PTPRD: variants seen among roughly 807,000 people sequenced by gnomAD.
The protein encoded by PTPRD is protein tyrosine phosphatase receptor type D, also known as receptor-type tyrosine-protein phosphatase delta.
In PTPRD, 34 loss-of-function variants were observed where a neutral mutation model predicts 214.5. The ratio of observed to expected loss-of-function variants is 0.16; its 90% CI spans 0.12 to 0.21. The LOEUF (loss-of-function observed/expected upper bound fraction) is 0.21, where lower values mean the gene tolerates loss of function less well. PTPRD is among the 10% of genes least tolerant of loss of function. The probability of loss-of-function intolerance (pLI) is 1.00; values close to 1 mark genes in which losing one functional copy is unlikely to be tolerated. For missense variants in PTPRD, 2,545 were observed against 2,398.7 expected, an observed-to-expected ratio of 1.06 and a Z score of -1.27; for synonymous variants, 1,128 against 845.7, an observed-to-expected ratio of 1.33 and a Z score of -5.79.
At chr9:8,993,533 GCCA>G (rs2099385653) in intron 11 of PTPRD, among the ~76,000 whole-genome samples, 1 of 152,020 alleles carries the variant, frequency 6.6e-6, no homozygotes, top group Non-Finnish European at 1.5e-5. Context: ...AGCAATATGA[GCCA>G]TATGATCAAA....
intron 2 of PTPRD, among the ~76,000 whole-genome samples, chr9:10,418,355 T>C (rs935226194): frequency 1.3e-4 from 19 of 151,458 alleles, no homozygotes; most frequent in African/African-American, 4.4e-4. Context: ...CCTTTGCCCT[T>C]GGTTAATTAA....
At chr9:8,533,421 G>A (rs748896107) in intron 14 of PTPRD, among the ~76,000 whole-genome samples, 1 of 151,990 alleles carries the variant, frequency 6.6e-6, no homozygotes, top group Non-Finnish European at 1.5e-5. Flanking sequence ...TAAAGAAAAA[G>A]CGTGTCAATT....
chr9:10,002,139 G>T (rs919136701), intron 4 of PTPRD, among the ~76,000 whole-genome samples: 2 of 150,682 alleles, frequency 1.3e-5, no homozygotes, highest in African/African-American at 4.9e-5. Flanking sequence ...GTAATCCCAA[G>T]CACAATAACT....
intron 3 of PTPRD, among the ~76,000 whole-genome samples, chr9:10,079,891 C>T (rs915759231): frequency 1.3e-5 from 2 of 150,738 alleles, no homozygotes; most frequent in Non-Finnish European, 3.0e-5. Context: ...TCAGCAAATA[C>T]ATGAATAAAA....
chr9:10,292,082 C>T (rs371997612), intron 3 of PTPRD, among the ~76,000 whole-genome samples: 3 of 151,960 alleles, frequency 2.0e-5, no homozygotes, highest in African/African-American at 4.8e-5. Context: ...AGTTCTAAGG[C>T]GTTAATCCTA....
Position 8,672,934 on chromosome 9 carries a change from G to A in PTPRD, c.65-36090C>T, listed in dbSNP as rs72700338. On this transcript the variant is annotated intron_variant, in intron 12 of 45. Coordinates refer to ENST00000381196, the MANE Select transcript of PTPRD (RefSeq NM_002839.4). ...GTTTCAATTCTGCCAATTAAAAACA[G>A]TAGACACAGCAAATAAATGTAACTG... 2.7e-3 allele frequency among the ~76,000 whole-genome samples: 407 copies of A among 152,066 alleles called. 1 individual carries two copies. The highest frequency in any genetic ancestry group is 4.0e-3 in the Admixed American group (61 of 15,264).
At chr9:9,183,893 T>G (rs537539951) in intron 9 of PTPRD, among the ~76,000 whole-genome samples, 11 of 152,146 alleles carry the variant, frequency 7.2e-5, no homozygotes, top group African/African-American at 2.6e-4. Flanking sequence ...AGCATTACAT[T>G]TATGTTTAAG....
At chr9:9,573,461 C>A (rs1361611731) in intron 8 of PTPRD, among the ~76,000 whole-genome samples, 1 of 150,114 alleles carries the variant, frequency 6.7e-6, no homozygotes, top group Non-Finnish European at 1.5e-5. Flanking sequence ...GGGTGTAATT[C>A]ATTTTGTAAC....
intron 3 of PTPRD, among the ~76,000 whole-genome samples, chr9:10,279,649 G>C (rs1340387662): frequency 2.0e-5 from 3 of 151,486 alleles, no homozygotes; most frequent in African/African-American, 7.3e-5. Flanking sequence ...CTATTTATTA[G>C]GTACCTAGGT....
intron 9 of PTPRD, among the ~76,000 whole-genome samples, chr9:9,207,263 T>C (rs1421285240): frequency 6.6e-6 from 1 of 152,132 alleles, no homozygotes; most frequent in Non-Finnish European, 1.5e-5. Context: ...TTTTAATTAT[T>C]AGATATTTAA....
At chr9:9,580,369 CT>C (rs966362405) in intron 7 of PTPRD, among the ~76,000 whole-genome samples, 2 of 151,686 alleles carry the variant, frequency 1.3e-5, no homozygotes, top group Non-Finnish European at 2.9e-5. Flanking sequence ...CTTGCCAACA[CT>C]TTTTTGTCTT....
chr9:10,098,488 T>TATA (rs894709375), intron 3 of PTPRD, among the ~76,000 whole-genome samples: 1 of 151,484 alleles, frequency 6.6e-6, no homozygotes, highest in Non-Finnish European at 1.5e-5. Flanking sequence ...AAACTTAAAG[T>TATA]ATAATAATAA....
At chr9:10,048,312 C>G (rs986548161) in intron 3 of PTPRD, among the ~76,000 whole-genome samples, 1 of 152,068 alleles carries the variant, frequency 6.6e-6, no homozygotes, top group African/African-American at 2.4e-5. Flanking sequence ...AATAAGTACT[C>G]AAGACTCACT....
chr9:8,552,121 C>G (rs1197428858), intron 14 of PTPRD, among the ~76,000 whole-genome samples: 1 of 152,086 alleles, frequency 6.6e-6, no homozygotes, highest in Non-Finnish European at 1.5e-5. Context: ...AGGCGATGGT[C>G]ACAGGCACCT....
At chr9:8,722,367 G>C (rs890857500) in intron 12 of PTPRD, among the ~76,000 whole-genome samples, 1 of 151,858 alleles carries the variant, frequency 6.6e-6, no homozygotes, top group African/African-American at 2.4e-5. Flanking sequence ...GGCAAATCTG[G>C]TTACTAACAC....
intron 2 of PTPRD, among the ~76,000 whole-genome samples, chr9:10,566,134 G>T (rs2065533222): frequency 6.6e-6 from 1 of 151,832 alleles, no homozygotes; most frequent in Non-Finnish European, 1.5e-5. Context: ...CTTTGCTCAG[G>T]TACTCATCAC....
intron 7 of PTPRD, among the ~76,000 whole-genome samples, chr9:9,670,926 C>A (rs1594810552): frequency 6.6e-6 from 1 of 152,112 alleles, no homozygotes; most frequent in Admixed American, 6.5e-5. Context: ...GGTTGGAGAT[C>A]CCCACAGAGT....
chr9:9,771,488 G>T (rs1217408284), intron 5 of PTPRD, among the ~76,000 whole-genome samples: 1 of 152,154 alleles, frequency 6.6e-6, no homozygotes. Flanking sequence ...TGAGCTTATC[G>T]TGGAAGCCTT....
intron 7 of PTPRD, among the ~76,000 whole-genome samples, chr9:9,692,099 C>A (rs939480148): frequency 5.2e-5 from 5 of 96,028 alleles, no homozygotes; most frequent in Non-Finnish European, 1.2e-4. Context: ...TTGATTGTTT[C>A]CTTTGATGTG....
Sources: gnomAD v4.1 joint callset for allele counts (sites outside exome capture counted in the v4.1 genomes callset) on GRCh38, gnomAD v4.1.1 for gene constraint, MANE v1.5 for transcripts, NCBI Gene and HGNC (gene_info 2026-07-23, HGNC 2026-07-21) for gene names.